Variants in LCOR observed in about 807,000 individuals in gnomAD.
The protein encoded by LCOR is ligand dependent nuclear receptor corepressor.
Under a neutral mutation model 64.4 loss-of-function variants are expected in LCOR, and 14 were observed. The ratio of observed to expected loss-of-function variants is 0.22; its 90% CI spans 0.14 to 0.34. The LOEUF is 0.34. Among genes scored for constraint, LCOR ranks in the 10% least tolerant of loss-of-function variants. LCOR has a pLI of 1.00. For missense variants in LCOR, 1,686 were observed against 1,765.3 expected (o/e 0.96, Z 0.80); for synonymous variants, 643 against 642.5 (o/e 1.00, Z -0.01).
chr10:96,832,494 T>TCCGG (rs1266305346), intron 1 of LCOR, 95 bp downstream of exon 1: 6 of 317,278 alleles, frequency 1.9e-5, no homozygotes, highest in African/African-American at 2.3e-5. Flanking sequence ...CAATTGCTGC[T>TCCGG]CCGGCCCGCC....
At chr10:96,885,825 G>T (rs1846334099) in intron 2 of LCOR, among the ~76,000 whole-genome samples, 1 of 151,790 alleles carries the variant, frequency 6.6e-6, no homozygotes, top group Admixed American at 6.6e-5. Flanking sequence ...CTTTAGATTT[G>T]ATTTTATATT....
At chr10:96,922,733 C>T (rs1013460539) in intron 4 of LCOR, among the ~76,000 whole-genome samples, 1 of 152,168 alleles carries the variant, frequency 6.6e-6, no homozygotes, top group African/African-American at 2.4e-5. Flanking sequence ...ATGGATAAAA[C>T]TATCAACAGC....
intron 7 of LCOR, among the ~76,000 whole-genome samples, chr10:96,978,008 A>G (rs928503810): frequency 3.3e-5 from 5 of 152,258 alleles, no homozygotes; most frequent in Non-Finnish European, 7.3e-5. Context: ...AGGTCACATA[A>G]CTAGTAAGCA....
At chr10:96,960,146 C>T (rs946562049) in intron 7 of LCOR, 1 of 152,166 alleles carries the variant, frequency 6.6e-6, no homozygotes, top group Non-Finnish European at 1.5e-5. Context: ...ATCATAACTA[C>T]CTTCTGTCGT....
chr10:96,835,234 A>C (rs943092507), intron 2 of LCOR, among the ~76,000 whole-genome samples: 3 of 152,144 alleles, frequency 2.0e-5, no homozygotes, highest in African/African-American at 7.2e-5. Flanking sequence ...TGACTGATAA[A>C]TTATTTCTGT....
chr10:96,962,188 G>A (rs1388006240), intron 7 of LCOR: 1 of 152,056 alleles, frequency 6.6e-6, no homozygotes, highest in Non-Finnish European at 1.5e-5. Context: ...CCAAGTGATT[G>A]CCTCATTTTC....
At chr10:96,899,258 A>T (rs1223186646) in intron 2 of LCOR, among the ~76,000 whole-genome samples, 2 of 152,156 alleles carry the variant, frequency 1.3e-5, no homozygotes, top group Admixed American at 6.5e-5. Context: ...TTGGAGAGTT[A>T]TAAGTATCTG....
chr10:96,925,897 A>C (rs894533369), intron 4 of LCOR, among the ~76,000 whole-genome samples: 2 of 152,096 alleles, frequency 1.3e-5, no homozygotes, highest in Admixed American at 1.3e-4. Flanking sequence ...TTTGAGGAAG[A>C]CCTGTCCCTT....
intron 4 of LCOR, among the ~76,000 whole-genome samples, chr10:96,920,446 ATATATATG>A (rs1847032627): frequency 2.9e-5 from 3 of 104,708 alleles, no homozygotes; most frequent in African/African-American, 1.5e-4. Flanking sequence ...ATATATGTGT[ATATATATG>A]TATATTCATA....
chr10:96,994,422 C>G lies in LCOR; in HGVS notation c.*9288C>G, dbSNP rs1271865670. ...CTGTTAAGCAGCCTCTCTTTTTGAC[C>G]GTCCTAAACTTTGTGAAAATAAATA... On this transcript the variant is annotated 3_prime_UTR_variant, in exon 8 of 8. Transcript: ENST00000421806. 2 of 152,106 alleles carry G rather than the reference C, an allele frequency of 1.3e-5. No homozygotes were observed. Among genetic ancestry groups the G allele is most frequent in the Non-Finnish European group, 2.9e-5 (2 of 68,024 alleles). The allele number at this position is 152,106 out of a possible 1,614,324, so 9.4% of individuals were successfully genotyped here. A position where few individuals can be genotyped will look rare whatever the true frequency, so the allele number is the denominator to read the frequency against.
intron 2 of LCOR, among the ~76,000 whole-genome samples, chr10:96,837,095 C>G (rs1845455690): frequency 1.3e-5 from 2 of 151,944 alleles, no homozygotes; most frequent in South Asian, 4.2e-4. Flanking sequence ...GGGTTCAAGC[C>G]ATTCTCCTGC....
At position 96,989,914 on chromosome 10, in the gene LCOR, C is replaced by T. The variant is rs926022063; in HGVS notation, c.*4780C>T. ...AGTGAAAAATTTTTGTCAGTGGCCC[C>T]AAATCACTGATCGTTTTAGTTGTTT... On this transcript the variant is annotated 3_prime_UTR_variant, in exon 8 of 8. Coordinates refer to ENST00000421806, the MANE Select transcript of LCOR (RefSeq NM_001346516.2). The T allele has an allele frequency of 2.0e-5, 3 of 151,144 alleles. No homozygotes were observed. The highest frequency in any genetic ancestry group is 4.4e-5 in the Non-Finnish European group (3 of 67,830). 9.4% of individuals were successfully genotyped at this position (151,144 alleles called of 1,614,324 possible). A position where few individuals can be genotyped will look rare whatever the true frequency, so the allele number is the denominator to read the frequency against.
intron 2 of LCOR, among the ~76,000 whole-genome samples, chr10:96,886,546 C>A (rs1456145198): frequency 1.3e-5 from 2 of 152,176 alleles, no homozygotes; most frequent in African/African-American, 4.8e-5. Flanking sequence ...TTTAGCTGTA[C>A]TGACATTCTT....
intron 2 of LCOR, among the ~76,000 whole-genome samples, chr10:96,890,233 G>T (rs967074673): frequency 4.6e-5 from 7 of 152,008 alleles, no homozygotes; most frequent in African/African-American, 1.4e-4. Flanking sequence ...CTAGGACTAC[G>T]TACCACATCT....
At chr10:96,864,667 A>G (rs1164862477) in intron 2 of LCOR, among the ~76,000 whole-genome samples, 4 of 152,390 alleles carry the variant, frequency 2.6e-5, no homozygotes, top group East Asian at 1.9e-4. Flanking sequence ...CAGACCACAT[A>G]TATGACAGTA....
chr10:96,879,644 T>A lies in LCOR; in HGVS notation c.-329-27621T>A, dbSNP rs182454737. 7.3e-3 allele frequency among the ~76,000 whole-genome samples: 1,119 copies of A among 152,326 alleles called. 11 individuals carry two copies. The highest frequency in any genetic ancestry group is 0.017 in the Admixed American group (263 of 15,298). On this transcript the variant is annotated intron_variant, in intron 2 of 7. Coordinates refer to ENST00000421806, the MANE Select transcript of LCOR (RefSeq NM_001346516.2). ...TAAGTTGGAGACTATATATTAATAC[T>A]GCATCTTTTTGTTTTGTTTTGTGTT...
chr10:96,926,422 C>T (rs1008009503), intron 4 of LCOR, among the ~76,000 whole-genome samples: 4 of 152,130 alleles, frequency 2.6e-5, no homozygotes, highest in African/African-American at 9.7e-5. Flanking sequence ...AATCACATAT[C>T]TTTGTGACAT....
chr10:96,894,836 G>A (rs1846510055), intron 2 of LCOR, among the ~76,000 whole-genome samples: 1 of 152,154 alleles, frequency 6.6e-6, no homozygotes, highest in South Asian at 2.1e-4. Flanking sequence ...CATTTGGAGT[G>A]GGTTAAGATA....
intron 2 of LCOR, among the ~76,000 whole-genome samples, chr10:96,883,059 C>T (rs1440632509): frequency 1.3e-5 from 2 of 152,096 alleles, no homozygotes; most frequent in African/African-American, 4.8e-5. Context: ...GTTGTTGAGA[C>T]AGAATCTCAT....
Sources: allele counts gnomAD v4.1 joint callset (sites outside exome capture counted in the v4.1 genomes callset), GRCh38; gene constraint gnomAD v4.1.1; transcripts MANE v1.5; gene names NCBI Gene and HGNC (gene_info 2026-07-23, HGNC 2026-07-21).